SMYD3: variants seen among roughly 807,000 people sequenced by gnomAD.
SMYD3 encodes the protein SET and MYND domain containing 3.
A neutral mutation model predicts 57.7 loss-of-function variants in SMYD3; 36 were observed. That is an observed-to-expected ratio of 0.62 (90% CI 0.48 to 0.82). The LOEUF (loss-of-function observed/expected upper bound fraction) is 0.82, where lower values mean the gene tolerates loss of function less well. Among genes scored for constraint, SMYD3 ranks in the 40% least tolerant of loss-of-function variants. The pLI is 0.00. For synonymous variants in SMYD3, 211 were observed against 195.0 expected, an observed-to-expected ratio of 1.08 and a Z score of -0.68; for missense variants, 515 against 538.8, an observed-to-expected ratio of 0.96 and a Z score of 0.44.
intron 5 of SMYD3, among the ~76,000 whole-genome samples, chr1:246,250,606 T>C (rs1489192638): frequency 1.3e-5 from 2 of 152,222 alleles, no homozygotes; most frequent in Non-Finnish European, 1.5e-5. Context: ...CGTGTGTCTA[T>C]TGAGTCTGAA....
chr1:245,932,728 T>C (rs1393185462), intron 5 of SMYD3, among the ~76,000 whole-genome samples: 1 of 152,104 alleles, frequency 6.6e-6, no homozygotes, highest in Non-Finnish European at 1.5e-5. Context: ...CTGACTAATT[T>C]TTTAAAACTT....
chr1:246,463,680 A>AAAAAAT (rs2067838470), intron 1 of SMYD3, among the ~76,000 whole-genome samples: 1 of 149,558 alleles, frequency 6.7e-6, no homozygotes, highest in Non-Finnish European at 1.5e-5. Context: ...AAAAAAAAAA[A>AAAAAAT]AAAACATTAG....
At chr1:245,922,793 A>G (rs1228774520) in intron 7 of SMYD3, among the ~76,000 whole-genome samples, 1 of 152,228 alleles carries the variant, frequency 6.6e-6, no homozygotes, top group Non-Finnish European at 1.5e-5. Context: ...ACTGCGTAGT[A>G]GTAAGTGTAG....
intron 5 of SMYD3, among the ~76,000 whole-genome samples, chr1:246,095,342 A>G (rs2060895945): frequency 6.6e-6 from 1 of 152,238 alleles, no homozygotes; most frequent in African/African-American, 2.4e-5. Context: ...TATCGAACTT[A>G]TACTGTATGC....
At chr1:246,418,120 T>C (rs1402892835) in intron 1 of SMYD3, among the ~76,000 whole-genome samples, 2 of 152,200 alleles carry the variant, frequency 1.3e-5, no homozygotes, top group South Asian at 2.1e-4. Flanking sequence ...ATCAGTCTAA[T>C]GTCAGGTCAT....
intron 5 of SMYD3, among the ~76,000 whole-genome samples, chr1:246,068,476 G>C (rs935352365): frequency 6.6e-6 from 1 of 152,136 alleles, no homozygotes; most frequent in African/African-American, 2.4e-5. Flanking sequence ...AAACCTAAAT[G>C]GTTAAAGTCT....
chr1:245,950,498 C>T (rs1041121257), intron 5 of SMYD3, among the ~76,000 whole-genome samples: 2 of 152,186 alleles, frequency 1.3e-5, no homozygotes, highest in African/African-American at 4.8e-5. Flanking sequence ...GTCTGACCAC[C>T]CCCTGTTCTT....
intron 5 of SMYD3, among the ~76,000 whole-genome samples, chr1:246,104,848 A>G (rs2061088740): frequency 6.6e-6 from 1 of 152,138 alleles, no homozygotes; most frequent in South Asian, 2.1e-4. Context: ...TCCTGCTCCT[A>G]TATCATTTTT....
chr1:245,997,181 A>G (rs988326973), intron 5 of SMYD3, among the ~76,000 whole-genome samples: 1 of 152,254 alleles, frequency 6.6e-6, no homozygotes, highest in Non-Finnish European at 1.5e-5. Flanking sequence ...GATGCCAAAT[A>G]TGGGGAACCC....
chr1:246,333,400 G>A (rs556751789), intron 3 of SMYD3, among the ~76,000 whole-genome samples: 3 of 152,294 alleles, frequency 2.0e-5, no homozygotes, highest in South Asian at 4.1e-4. Flanking sequence ...AAATTGACAA[G>A]TGGACCTAAT....
In SMYD3 at chr1:246,337,244, T is replaced by A. The variant is rs529026404; in HGVS notation, c.229-1770A>T. 2.6e-5 allele frequency among the ~76,000 whole-genome samples: 4 copies of A among 152,308 alleles called. No homozygotes were observed. In the South Asian group the frequency reaches 8.3e-4, roughly 32 times the overall value. ...AAACACAATATCATGTTGACCCTAC[T>A]TAGAGATTCAAAATATACTTAGCAT... is the stretch of plus-strand genomic sequence containing the variant. On this transcript the variant is annotated intron_variant, in intron 2 of 11. Transcript: ENST00000490107.
intron 1 of SMYD3, among the ~76,000 whole-genome samples, chr1:246,376,588 C>CCAAA (rs1572436809): frequency 1.6e-5 from 1 of 62,214 alleles, no homozygotes; most frequent in Non-Finnish European, 3.0e-5. Context: ...GACACTCCAT[C>CCAAA]TAAAAAAAAA....
chr1:246,037,845 AT>A (rs1257484244), intron 5 of SMYD3, among the ~76,000 whole-genome samples: 1 of 152,170 alleles, frequency 6.6e-6, no homozygotes, highest in Non-Finnish European at 1.5e-5. Context: ...GTCTTTTCAT[AT>A]TGATTTGTAG....
At position 246,179,638 on chromosome 1, in the gene SMYD3, T is replaced by C. The variant is rs759318618; in HGVS notation, c.531+147563A>G. On this transcript the variant is annotated intron_variant, in intron 5 of 11. Transcript: ENST00000490107. ...TAGCAAGAAAAACATCTTTTAAAAG[T>C]GCTGGAGTGAGGCCACTTCTCCTAG... Among the ~76,000 whole-genome samples the C allele has an allele frequency of 5.9e-5, 9 of 152,304 alleles. 1 individual carries two copies. The highest frequency in any genetic ancestry group is 1.3e-4 in the Non-Finnish European group (9 of 68,032).
At chr1:245,871,131 AG>A (rs2052169034) in intron 8 of SMYD3, among the ~76,000 whole-genome samples, 1 of 152,214 alleles carries the variant, frequency 6.6e-6, no homozygotes, top group African/African-American at 2.4e-5. Context: ...AACGGAAGAA[AG>A]GTTTTTAGTT....
At chr1:246,502,971 T>G (rs549546999) in intron 1 of SMYD3, among the ~76,000 whole-genome samples, 39 of 152,268 alleles carry the variant, frequency 2.6e-4, no homozygotes, top group South Asian at 8.3e-4. Context: ...GCCACTTCCT[T>G]CTACCACTGC....
At chr1:245,836,190 T>C (rs1006673701) in intron 10 of SMYD3, among the ~76,000 whole-genome samples, 1 of 152,182 alleles carries the variant, frequency 6.6e-6, no homozygotes, top group Non-Finnish European at 1.5e-5. Context: ...TTCAGCTGGA[T>C]ATAAACAGAA....
chr1:246,405,735 C>G (rs562632763), intron 1 of SMYD3, among the ~76,000 whole-genome samples: 1 of 151,918 alleles, frequency 6.6e-6, no homozygotes, highest in African/African-American at 2.4e-5. Context: ...GATGAAACCC[C>G]GTCTCTACTA....
intron 5 of SMYD3, among the ~76,000 whole-genome samples, chr1:246,301,884 G>A (rs1025570307): frequency 6.6e-6 from 1 of 151,940 alleles, no homozygotes; most frequent in Non-Finnish European, 1.5e-5. Context: ...TTTAAGAGAG[G>A]GACAGAAAGT....
Sources: allele counts gnomAD v4.1 joint callset (sites outside exome capture counted in the v4.1 genomes callset), GRCh38; gene constraint gnomAD v4.1.1; transcripts MANE v1.5; gene names NCBI Gene and HGNC (gene_info 2026-07-23, HGNC 2026-07-21).